The following DLGAP2 variants were observed in gnomAD, a reference collection of about 807,000 sequenced individuals.
DLGAP2 encodes DLG associated protein 2, also known as disks large-associated protein 2.
A neutral mutation model predicts 100.3 loss-of-function variants in DLGAP2; 26 were observed. The ratio of observed to expected loss-of-function variants is 0.26; its 90% CI spans 0.19 to 0.36. DLGAP2 has a LOEUF of 0.36. Among genes scored for constraint, DLGAP2 ranks in the 10% least tolerant of loss-of-function variants. The probability of loss-of-function intolerance (pLI) is 1.00; values close to 1 mark genes in which losing one functional copy is unlikely to be tolerated. For missense variants in DLGAP2, 1,858 were observed against 1,453.2 expected (o/e 1.28, Z -4.53); for synonymous variants, 886 against 630.1 (o/e 1.41, Z -6.08).
At chr8:1,348,951 T>C (rs1274773214) in intron 3 of DLGAP2, among the ~76,000 whole-genome samples, 2 of 152,174 alleles carry the variant, frequency 1.3e-5, no homozygotes, top group African/African-American at 4.8e-5. Flanking sequence ...ATGGTCACCA[T>C]GGTCTGTCGC....
chr8:799,714 C>A (rs143346086), intron 1 of DLGAP2, among the ~76,000 whole-genome samples: 1 of 152,126 alleles, frequency 6.6e-6, no homozygotes, highest in Non-Finnish European at 1.5e-5. Context: ...TTCCCACATC[C>A]GTCTCTTGAG....
intron 1 of DLGAP2, among the ~76,000 whole-genome samples, chr8:757,048 C>G (rs1820938996): frequency 6.6e-6 from 1 of 152,210 alleles, no homozygotes; most frequent in Non-Finnish European, 1.5e-5. Flanking sequence ...TCGTGGCTCC[C>G]TGTTTCCCGC....
At chr8:1,094,418 C>T (rs546839534) in intron 2 of DLGAP2, among the ~76,000 whole-genome samples, 1 of 152,208 alleles carries the variant, frequency 6.6e-6, no homozygotes, top group African/African-American at 2.4e-5. Context: ...AAAACTGAGG[C>T]CTTCCTGTCA....
At chr8:1,536,711 A>T (rs1025389909) in intron 4 of DLGAP2, among the ~76,000 whole-genome samples, 3 of 152,212 alleles carry the variant, frequency 2.0e-5, no homozygotes, top group Admixed American at 6.5e-5. Flanking sequence ...GTTTGGTCTC[A>T]TATTCATTTT....
intron 2 of DLGAP2, among the ~76,000 whole-genome samples, chr8:1,242,981 A>G (rs887847093): frequency 6.6e-6 from 1 of 152,130 alleles, no homozygotes; most frequent in Non-Finnish European, 1.5e-5. Context: ...TGACTCAAAT[A>G]TCACCCCAAG....
chr8:1,002,041 C>T (rs1800974355), intron 2 of DLGAP2: 1 of 152,178 alleles, frequency 6.6e-6, no homozygotes, highest in African/African-American at 2.4e-5. Context: ...GACTGTGCTA[C>T]CTGTTTACAT....
chr8:1,221,317 G>A (rs938586568), intron 2 of DLGAP2, among the ~76,000 whole-genome samples: 1 of 152,160 alleles, frequency 6.6e-6, no homozygotes, highest in Admixed American at 6.5e-5. Context: ...CTTAGCATTT[G>A]TTTGTCTGAA....
chr8:1,054,814 AT>A (rs1802828886), intron 2 of DLGAP2, among the ~76,000 whole-genome samples: 1 of 152,236 alleles, frequency 6.6e-6, no homozygotes, highest in African/African-American at 2.4e-5. Flanking sequence ...ATTACTCTCA[AT>A]CAAATTGTAA....
At chr8:1,317,991 A>C (rs7015106) in intron 3 of DLGAP2, among the ~76,000 whole-genome samples, 16 of 14,046 alleles carry the variant, frequency 1.1e-3, no homozygotes, top group Admixed American at 3.1e-3. Context: ...ACACTCGAGA[A>C]ACTCGGCAGC....
chr8:1,117,523 G>C (rs530469462), intron 2 of DLGAP2, among the ~76,000 whole-genome samples: 8 of 152,038 alleles, frequency 5.3e-5, no homozygotes, highest in Non-Finnish European at 1.0e-4. Flanking sequence ...CCTGAACCAA[G>C]ACGGCCTTTT....
intron 4 of DLGAP2, among the ~76,000 whole-genome samples, chr8:1,519,068 C>T (rs1800497576): frequency 1.3e-5 from 2 of 152,090 alleles, no homozygotes; most frequent in South Asian, 4.1e-4. Flanking sequence ...TGGTCCCTGC[C>T]GTGAAGGAGC....
At chr8:1,116,648 G>A (rs896775092) in intron 2 of DLGAP2, among the ~76,000 whole-genome samples, 3 of 151,812 alleles carry the variant, frequency 2.0e-5, no homozygotes, top group Admixed American at 2.0e-4. Context: ...AATAAAAACA[G>A]TTAGCCACAC....
intron 3 of DLGAP2, among the ~76,000 whole-genome samples, chr8:1,339,882 A>C (rs1801379618): frequency 2.0e-5 from 3 of 152,194 alleles, no homozygotes; most frequent in African/African-American, 7.2e-5. Flanking sequence ...TATCTCTGGG[A>C]TCCTGTGATT....
At chr8:1,501,071 T>G (rs775623061) in intron 3 of DLGAP2, among the ~76,000 whole-genome samples, 5 of 151,920 alleles carry the variant, frequency 3.3e-5, no homozygotes, top group African/African-American at 7.3e-5. Flanking sequence ...GCCTAATAAA[T>G]TTGAAGTTAG....
chr8:797,760 AT>A (rs1021303297), intron 1 of DLGAP2, among the ~76,000 whole-genome samples: 1 of 151,708 alleles, frequency 6.6e-6, no homozygotes, highest in African/African-American at 2.4e-5. Flanking sequence ...TATTTTATTT[AT>A]TTTTTTGAGA....
At chr8:1,061,431 A>T (rs967017753) in intron 2 of DLGAP2, among the ~76,000 whole-genome samples, 2 of 152,022 alleles carry the variant, frequency 1.3e-5, no homozygotes, top group Non-Finnish European at 2.9e-5. Flanking sequence ...TTGAGGGAAA[A>T]CCACGCTGCC....
intron 2 of DLGAP2, among the ~76,000 whole-genome samples, chr8:1,107,072 C>A (rs1315699435): frequency 6.6e-6 from 1 of 152,168 alleles, no homozygotes; most frequent in African/African-American, 2.4e-5. Context: ...CCCATTCTAA[C>A]AAAATGTGAC....
At chr8:1,226,092 A>G (rs965780724) in intron 2 of DLGAP2, among the ~76,000 whole-genome samples, 2 of 152,322 alleles carry the variant, frequency 1.3e-5, no homozygotes, top group South Asian at 4.1e-4. Context: ...TCCAAAATTT[A>G]TAAAGAACTT....
At position 1,701,842 on chromosome 8, in the gene DLGAP2, C is replaced by G. The variant is rs1799581458; in HGVS notation, c.*436C>G. The G allele has an allele frequency of 6.1e-6, 1 of 163,572 alleles. No homozygotes were observed. Among genetic ancestry groups the G allele is most frequent in the Non-Finnish European group, 1.3e-5 (1 of 76,286 alleles). The allele number at this position is 163,572 out of a possible 1,614,324, so 10.1% of individuals were successfully genotyped here. On this transcript the variant is annotated 3_prime_UTR_variant, in exon 15 of 15. Transcript: ENST00000637795. ...ACCACTCCCTGGAGGCATTAGACAC[C>G]CAAGTGGAAGGTGCTACAACCTGAA...
Sources: allele counts gnomAD v4.1 joint callset (sites outside exome capture counted in the v4.1 genomes callset), GRCh38; gene constraint gnomAD v4.1.1; transcripts MANE v1.5; gene names NCBI Gene and HGNC (gene_info 2026-07-23, HGNC 2026-07-21).